The following HCN1 variants were observed in gnomAD, a reference collection of about 807,000 sequenced individuals.
The protein encoded by HCN1 is potassium/sodium hyperpolarization-activated cyclic nucleotide-gated channel 1.
In HCN1, 13 loss-of-function variants were observed where a neutral mutation model predicts 78.9. The ratio of observed to expected loss-of-function variants is 0.16; its 90% CI spans 0.11 to 0.26. The LOEUF (loss-of-function observed/expected upper bound fraction) is 0.26. Among genes scored for constraint, HCN1 ranks in the 10% least tolerant of loss-of-function variants. The pLI, the probability that HCN1 is intolerant of heterozygous loss-of-function variation, is 1.00. For synonymous variants in HCN1, 552 were observed against 455.5 expected, an observed-to-expected ratio of 1.21 and a Z score of -2.70; for missense variants, 810 against 1,154.3, an observed-to-expected ratio of 0.70 and a Z score of 4.32.
chr5:45,544,957 A>G (rs9716143), intron 2 of HCN1, among the ~76,000 whole-genome samples: 7,692 of 152,200 alleles, frequency 0.051, 239 homozygotes, highest in East Asian at 0.13. Context: ...TCCTTTGGGT[A>G]TATACCAGTA....
intron 2 of HCN1, among the ~76,000 whole-genome samples, chr5:45,550,258 C>A (rs1382168289): frequency 1.3e-5 from 2 of 152,098 alleles, no homozygotes; most frequent in African/African-American, 4.8e-5. Context: ...AAATGTCCAA[C>A]AATGATAGAC....
intron 5 of HCN1, among the ~76,000 whole-genome samples, chr5:45,326,020 C>A (rs191684075): frequency 6.6e-6 from 1 of 151,280 alleles, no homozygotes; most frequent in East Asian, 2.0e-4. Context: ...ACATAAGATG[C>A]CTTAATTTAA....
chr5:45,466,489 A>G (rs1324545382), intron 2 of HCN1, among the ~76,000 whole-genome samples: 2 of 152,146 alleles, frequency 1.3e-5, no homozygotes, highest in East Asian at 3.9e-4. Flanking sequence ...ATGGGCCAAA[A>G]ATGCCTGTCT....
chr5:45,371,957 AATT>A (rs1260962188), intron 4 of HCN1, among the ~76,000 whole-genome samples: 2 of 94,336 alleles, frequency 2.1e-5, no homozygotes, highest in African/African-American at 8.4e-5. Context: ...AATATAATAT[AATT>A]ATATATTATA....
At chr5:45,632,998 A>G (rs774271037) in intron 2 of HCN1, among the ~76,000 whole-genome samples, 2 of 151,960 alleles carry the variant, frequency 1.3e-5, no homozygotes, top group Non-Finnish European at 2.9e-5. Context: ...GATATTTCTA[A>G]TTGTTTATTT....
chr5:45,260,818 TA>T lies in HCN1; in HGVS notation c.*1102del, dbSNP rs559140298. ...TTATAGGAATTATAAGATAGGCAAT[TA>T]ATGAATTGTTATGCTTTTCTAGAAA... is the stretch of plus-strand genomic sequence containing the variant. On this transcript the variant is annotated 3_prime_UTR_variant, in exon 8 of 8. Coordinates refer to ENST00000303230, the MANE Select transcript of HCN1 (RefSeq NM_021072.4). 5.9e-4 allele frequency: 90 copies of T among 152,696 alleles called. No individual in the cohort carries two copies. The highest frequency in any genetic ancestry group is 2.1e-3 in the African/African-American group (86 of 41,554). 9.5% of individuals were successfully genotyped at this position (152,696 alleles called of 1,614,324 possible). A position where few individuals can be genotyped will look rare whatever the true frequency, so the allele number is the denominator to read the frequency against.
chr5:45,691,097 G>C (rs1314231894), intron 1 of HCN1, among the ~76,000 whole-genome samples: 1 of 151,852 alleles, frequency 6.6e-6, no homozygotes, highest in Non-Finnish European at 1.5e-5. Flanking sequence ...ATGTTGTTTT[G>C]GTTTGTGGTT....
chr5:45,294,382 G>A (rs1005768615), intron 6 of HCN1, among the ~76,000 whole-genome samples: 1 of 152,060 alleles, frequency 6.6e-6, no homozygotes, highest in South Asian at 2.1e-4. Context: ...CATTATTAAA[G>A]CAGCATTTAA....
At chr5:45,339,505 A>G (rs1016908046) in intron 5 of HCN1, among the ~76,000 whole-genome samples, 2 of 152,164 alleles carry the variant, frequency 1.3e-5, no homozygotes, top group African/African-American at 4.8e-5. Context: ...AGAAAGGAAG[A>G]CTAAGGCAGG....
At chr5:45,565,943 C>T (rs1014103100) in intron 2 of HCN1, among the ~76,000 whole-genome samples, 18 of 152,022 alleles carry the variant, frequency 1.2e-4, no homozygotes, top group African/African-American at 4.3e-4. Context: ...ATTTTGGCAA[C>T]AAAATAAAAT....
chr5:45,425,027 G>A (rs6881317), intron 3 of HCN1, among the ~76,000 whole-genome samples: 1 of 152,124 alleles, frequency 6.6e-6, no homozygotes, highest in Non-Finnish European at 1.5e-5. Context: ...AATTAAACCG[G>A]AGAAAATGGC....
At chr5:45,375,804 TTATATATAATATAATATTTTATGATA>T (rs1747626293) in intron 4 of HCN1, among the ~76,000 whole-genome samples, 2 of 114,600 alleles carry the variant, frequency 1.7e-5, no homozygotes, top group Non-Finnish European at 3.2e-5. Flanking sequence ...ATGATATATC[TTATATATAATATAATATTTTATGATA>T]TATCTTATAT....
chr5:45,390,364 C>A (rs1201144357), intron 4 of HCN1, among the ~76,000 whole-genome samples: 1 of 152,120 alleles, frequency 6.6e-6, no homozygotes, highest in Non-Finnish European at 1.5e-5. Context: ...AGTAAGAATA[C>A]TTGAAAGAGA....
At chr5:45,410,652 A>C (rs1740005042) in intron 3 of HCN1, among the ~76,000 whole-genome samples, 1 of 152,112 alleles carries the variant, frequency 6.6e-6, no homozygotes. Flanking sequence ...ACAAATAAAT[A>C]AAGCTTCAAT....
In HCN1 at chr5:45,659,270, C is replaced by A. The variant is rs1019070653; in HGVS notation, c.426-13662G>T. 3.3e-3 allele frequency among the ~76,000 whole-genome samples: 435 copies of A among 131,922 alleles called. 3 individuals are homozygous for A. Among genetic ancestry groups the A allele is most frequent in the Middle Eastern group, 0.015 (4 of 264 alleles). 86.5% of individuals were successfully genotyped at this position (131,922 alleles called of 152,430 possible). On this transcript the variant is annotated intron_variant, in intron 1 of 7. Transcript: ENST00000303230. ...TGTCTGTTAGAAGGAAAACTAACAA[C>A]CAGAAAGGACATCTACACCGAAAAC...
chr5:45,695,285 G>C (rs1739984379), intron 1 of HCN1: 1 of 262,732 alleles, frequency 3.8e-6, no homozygotes, highest in Non-Finnish European at 7.3e-6. Context: ...GACCACACTT[G>C]AGGGAGCCGC....
intron 1 of HCN1, among the ~76,000 whole-genome samples, chr5:45,689,890 G>A (rs1739874043): frequency 6.6e-6 from 1 of 152,104 alleles, no homozygotes; most frequent in Non-Finnish European, 1.5e-5. Context: ...AAAACAGCCT[G>A]TAAATATCAT....
At chr5:45,317,208 C>T (rs1435588083) in intron 5 of HCN1, among the ~76,000 whole-genome samples, 1 of 152,064 alleles carries the variant, frequency 6.6e-6, no homozygotes, top group Non-Finnish European at 1.5e-5. Context: ...GATACTGGCA[C>T]CAAAACAGAG....
intron 6 of HCN1, among the ~76,000 whole-genome samples, chr5:45,294,201 G>C (rs970807216): frequency 2.6e-5 from 4 of 151,954 alleles, no homozygotes; most frequent in Non-Finnish European, 5.9e-5. Context: ...TAGAGTTAAC[G>C]AATAGTCACG....
Sources: allele counts gnomAD v4.1 joint callset (sites outside exome capture counted in the v4.1 genomes callset), GRCh38; gene constraint gnomAD v4.1.1; transcripts MANE v1.5; gene names NCBI Gene and HGNC (gene_info 2026-07-23, HGNC 2026-07-21).